Variants in DPH6 observed in about 807,000 individuals in gnomAD.
DPH6 encodes the protein diphthamine biosynthesis 6, also known as diphthine--ammonia ligase.
In DPH6, 33 loss-of-function variants were observed where a neutral mutation model predicts 38.2. That is an observed-to-expected ratio of 0.86 (90% CI 0.65 to 1.15). The LOEUF is 1.15. DPH6 is among the 50% of genes most tolerant of loss of function. The pLI, the probability that DPH6 is intolerant of heterozygous loss-of-function variation, is 0.00. For synonymous variants in DPH6, 108 were observed against 103.0 expected (o/e 1.05, Z -0.30); for missense variants, 325 against 320.0 (o/e 1.02, Z -0.12).
At chr15:35,243,921 C>T (rs2051618068) in intron 3 of DPH6, among the ~76,000 whole-genome samples, 1 of 152,128 alleles carries the variant, frequency 6.6e-6, no homozygotes, top group Non-Finnish European at 1.5e-5. Flanking sequence ...AAGGCAGCAG[C>T]TAATGTAGTA....
chr15:35,294,712 G>T (rs907989786), intron 3 of DPH6, among the ~76,000 whole-genome samples: 1 of 152,108 alleles, frequency 6.6e-6, no homozygotes. Flanking sequence ...TCTAGCAAAG[G>T]AGTCAAACTT....
the DPH6 span, among the ~76,000 whole-genome samples, chr15:35,201,004 C>A: frequency 1.3e-5 from 1 of 76,738 alleles, no homozygotes; most frequent in South Asian, 3.8e-4. Flanking sequence ...TTTTTTTTTA[C>A]CATTTCTATC....
chr15:35,377,566 G>T (rs1025623703), intron 7 of DPH6, among the ~76,000 whole-genome samples: 3 of 152,060 alleles, frequency 2.0e-5, no homozygotes, highest in Admixed American at 6.6e-5. Flanking sequence ...TTTCTAATTT[G>T]AGGACCTACA....
At chr15:35,496,607 A>C in intron 3 of DPH6, among the ~76,000 whole-genome samples, 1 of 93,544 alleles carries the variant, frequency 1.1e-5, no homozygotes, top group East Asian at 4.3e-4. Flanking sequence ...ACCAATGAAT[A>C]TGAGAGAGAT....
intron 3 of DPH6, among the ~76,000 whole-genome samples, chr15:35,242,027 G>T (rs374707698): frequency 2.1e-5 from 3 of 143,612 alleles, no homozygotes; most frequent in African/African-American, 7.6e-5. Context: ...GATCTCAAAC[G>T]TGCTTTCTTT....
intron 5 of DPH6, among the ~76,000 whole-genome samples, chr15:35,446,882 T>TC (rs1566912918): frequency 1.1e-4 from 16 of 151,676 alleles, no homozygotes; most frequent in African/African-American, 3.9e-4. Flanking sequence ...TTTTTTTTTT[T>TC]TCCTGAGACG....
chr15:35,513,157 T>A (rs1462424283), intron 3 of DPH6, among the ~76,000 whole-genome samples: 1 of 152,116 alleles, frequency 6.6e-6, no homozygotes, highest in Non-Finnish European at 1.5e-5. Context: ...GTGTATTAAA[T>A]ATATGTGCAT....
At chr15:35,224,398 C>T (rs146896352) in intron 3 of DPH6, among the ~76,000 whole-genome samples, 4,117 of 152,204 alleles carry the variant, frequency 0.027, 180 homozygotes, top group African/African-American at 0.095. Flanking sequence ...TGAGCCACCA[C>T]GCCTGGCCTG....
intron 3 of DPH6, among the ~76,000 whole-genome samples, chr15:35,268,045 C>CT (rs2051794446): frequency 6.6e-6 from 1 of 152,036 alleles, no homozygotes; most frequent in South Asian, 2.1e-4. Context: ...TGGCAGGCGC[C>CT]TGTAGTCCCT....
chr15:35,240,726 C>T (rs949794213), intron 3 of DPH6, among the ~76,000 whole-genome samples: 9 of 143,416 alleles, frequency 6.3e-5, no homozygotes, highest in African/African-American at 1.3e-4. Context: ...ATGGCTCGTT[C>T]GGCAGCAGCC....
At chr15:35,541,768 T>C (rs1280982465) in intron 2 of DPH6, among the ~76,000 whole-genome samples, 1 of 152,134 alleles carries the variant, frequency 6.6e-6, no homozygotes, top group Non-Finnish European at 1.5e-5. Context: ...AGCAAATTGG[T>C]GAATATATTT....
Position 35,242,534 on chromosome 15 carries a change from C to T in DPH6, n.201-21952G>A, listed in dbSNP as rs1431723862. ...ATAATTCCTCAGTTTAGCCTTCCCACCTCTATACAGTCTGATAACAGACCA... is the reference window on the plus strand; with the variant it reads ...ATAATTCCTCAGTTTAGCCTTCCCATCTCTATACAGTCTGATAACAGACCA... On this transcript the variant is annotated intron_variant and non_coding_transcript_variant, in intron 3 of 3. Coordinates refer to the DPH6 transcript ENST00000560386. 1.4e-5 allele frequency among the ~76,000 whole-genome samples: 2 copies of T among 143,438 alleles called. 1 individual carries two copies. Among genetic ancestry groups the T allele is most frequent in the Admixed American group, 1.5e-4 (2 of 13,202 alleles). 94.1% of individuals were successfully genotyped at this position (143,438 alleles called of 152,430 possible).
intron 3 of DPH6, among the ~76,000 whole-genome samples, chr15:35,529,064 C>A (rs887862530): frequency 6.6e-6 from 1 of 152,152 alleles, no homozygotes; most frequent in African/African-American, 2.4e-5. Context: ...TAAGAACTTC[C>A]GGTAATTTTT....
chr15:35,298,240 C>A, intron 3 of DPH6: 2 of 522,488 alleles, frequency 3.8e-6, no homozygotes, highest in East Asian at 4.8e-5. Context: ...TGCTCTAGTT[C>A]TTAAAATCAA....
At chr15:35,256,349 T>G (rs966287173) in intron 3 of DPH6, among the ~76,000 whole-genome samples, 15 of 152,220 alleles carry the variant, frequency 9.9e-5, no homozygotes, top group Admixed American at 3.9e-4. Flanking sequence ...CTTGACAGTT[T>G]TGTAGTACTA....
intron 3 of DPH6, among the ~76,000 whole-genome samples, chr15:35,341,361 T>C (rs1236721440): frequency 6.6e-6 from 1 of 152,174 alleles, no homozygotes; most frequent in Non-Finnish European, 1.5e-5. Flanking sequence ...TTCTGAAGCC[T>C]ACTTCTATTA....
At chr15:35,383,856 A>C (rs1448765135) in intron 6 of DPH6, among the ~76,000 whole-genome samples, 2 of 152,238 alleles carry the variant, frequency 1.3e-5, no homozygotes, top group Non-Finnish European at 1.5e-5. Context: ...GAACCTCCTC[A>C]AGAAGTAAAG....
At chr15:35,231,378 G>T (rs767240645) in intron 3 of DPH6, among the ~76,000 whole-genome samples, 1 of 152,190 alleles carries the variant, frequency 6.6e-6, no homozygotes, top group African/African-American at 2.4e-5. Context: ...TGCTGCTTCC[G>T]GGAAATGGAA....
At chr15:35,457,171 T>C (rs1342379836) in intron 3 of DPH6, among the ~76,000 whole-genome samples, 1 of 151,842 alleles carries the variant, frequency 6.6e-6, no homozygotes, top group Non-Finnish European at 1.5e-5. Flanking sequence ...CCCAGGCTGG[T>C]CTCGAACTCC....
Sources: allele counts gnomAD v4.1 joint callset (sites outside exome capture counted in the v4.1 genomes callset), GRCh38; gene constraint gnomAD v4.1.1; transcripts MANE v1.5; gene names NCBI Gene and HGNC (gene_info 2026-07-23, HGNC 2026-07-21).